CFAP44: variants seen among roughly 807,000 people sequenced by gnomAD.
CFAP44 encodes the protein cilia- and flagella-associated protein 44.
In CFAP44, 134 loss-of-function variants were observed where a neutral mutation model predicts 216.2. That is an observed-to-expected ratio of 0.62 (90% CI 0.54 to 0.72). The LOEUF (loss-of-function observed/expected upper bound fraction) is 0.72, where lower values mean the gene tolerates loss of function less well. Ranked by LOEUF, CFAP44 falls within the 30% of genes least tolerant of loss-of-function variation. The probability of loss-of-function intolerance (pLI) is 0.00; values close to 1 mark genes in which losing one functional copy is unlikely to be tolerated. For synonymous variants in CFAP44, 700 were observed against 727.6 expected, an observed-to-expected ratio of 0.96 and a Z score of 0.61; for missense variants, 2,035 against 2,182.1, an observed-to-expected ratio of 0.93 and a Z score of 1.34.
In CFAP44 at chr3:113,426,342, C is replaced by T; in HGVS notation, c.254-65G>A. 3.2e-6 allele frequency: 5 copies of T among 1,548,762 alleles called. No homozygotes were observed. The South Asian group carries it at 3.6e-5, about 11-fold the overall frequency. ...GGCTGTGTCCCCACCCAAATCTCAA[C>T]TTGAATTGTAGTTCCCATAATCTCC... On this transcript the variant is annotated intron_variant, in intron 3 of 34. Transcript: ENST00000393845.
At chr3:113,433,453 A>AAG in intron 2 of CFAP44, 112 bp downstream of exon 2, 1 of 459,788 alleles carries the variant, frequency 2.2e-6, no homozygotes, top group Non-Finnish European at 3.6e-6. Flanking sequence ...AAAAAAAAAA[A>AAG]AAAGATCTAT....
intron 18 of CFAP44, among the ~76,000 whole-genome samples, chr3:113,370,094 T>C (rs951273368): frequency 2.6e-5 from 4 of 152,040 alleles, no homozygotes; most frequent in Non-Finnish European, 5.9e-5. Flanking sequence ...ATTAATACCC[T>C]ACCAACCAAA....
At chr3:113,362,597 C>G (rs1261301198) in intron 21 of CFAP44, among the ~76,000 whole-genome samples, 3 of 152,202 alleles carry the variant, frequency 2.0e-5, no homozygotes, top group Admixed American at 2.0e-4. Context: ...CACAGCACCT[C>G]TGGTAAGATC....
Position 113,330,149 on chromosome 3 carries a change from G to T in CFAP44, c.4116+19C>A. 6.7e-7 allele frequency: 1 copy of T among 1,487,012 alleles called. No individual in the cohort carries two copies. The highest frequency in any genetic ancestry group is 1.3e-5 in the South Asian group (1 of 74,102). 92.1% of individuals were successfully genotyped at this position (1,487,012 alleles called of 1,614,324 possible). A position where few individuals can be genotyped will look rare whatever the true frequency, so the allele number is the denominator to read the frequency against. ...TCTTCTCTCTTTCAGCTTTAACTAG[G>T]AACAGGTTCACCCCTTACCCTGTTG... On this transcript the variant is annotated intron_variant, in intron 26 of 34. Transcript: ENST00000393845.
chr3:113,367,790 C>T (rs1490850217), intron 18 of CFAP44, among the ~76,000 whole-genome samples: 2 of 152,150 alleles, frequency 1.3e-5, no homozygotes, highest in South Asian at 2.1e-4. Context: ...CAAACTTCTC[C>T]GAGCTAAAGG....
At chr3:113,389,400 T>C (rs1201836517) in intron 15 of CFAP44, among the ~76,000 whole-genome samples, 1 of 151,976 alleles carries the variant, frequency 6.6e-6, no homozygotes, top group Non-Finnish European at 1.5e-5. Context: ...TTTATAGCTA[T>C]AAGCAACTAC....
At chr3:113,440,688 T>C (rs1001121147) in intron 1 of CFAP44, among the ~76,000 whole-genome samples, 1 of 152,198 alleles carries the variant, frequency 6.6e-6, no homozygotes, top group Non-Finnish European at 1.5e-5. Flanking sequence ...GCTTTTAATG[T>C]GTCACTCTTG....
chr3:113,411,965 T>C (rs1934490182), intron 6 of CFAP44, among the ~76,000 whole-genome samples: 2 of 151,838 alleles, frequency 1.3e-5, no homozygotes, highest in Admixed American at 6.6e-5. Flanking sequence ...ATAAGAATGC[T>C]TGTGATTTTT....
chr3:113,395,682 T>A, intron 15 of CFAP44, 68 bp downstream of exon 15: 1 of 1,376,052 alleles, frequency 7.3e-7, no homozygotes, highest in Non-Finnish European at 1.0e-6. Context: ...TGCTATTTTC[T>A]ATCTACAAGA....
At chr3:113,360,228 T>A (rs562577221) in intron 21 of CFAP44, 6 of 158,196 alleles carry the variant, frequency 3.8e-5, no homozygotes, top group African/African-American at 1.4e-4. Context: ...AAAAGAAGCT[T>A]AAAGATGATT....
intron 17 of CFAP44, among the ~76,000 whole-genome samples, chr3:113,375,643 C>CAAAAT (rs1022847164): frequency 3.9e-5 from 6 of 151,970 alleles, no homozygotes; most frequent in African/African-American, 1.4e-4. Flanking sequence ...GAACTGCAAA[C>CAAAAT]AAAATAAAAA....
chr3:113,308,194 C>T lies in CFAP44; in HGVS notation c.4591G>A (p.Glu1531Lys). Residue 1531 changes from glutamate to lysine, a missense_variant, in exon 29 of 35, where the codon GAA becomes AAA. This residue lies in a region of CFAP44 where 1,883 missense variants were observed against 2,023.7 expected (regional missense o/e 0.93). Coordinates refer to ENST00000393845, the MANE Select transcript of CFAP44 (RefSeq NM_001164496.2). ...ATAGAATCATCAAAAACCTCATCTTCTGATTCAGACTCATCTTCATCACTC... is the reference window on the plus strand; with the variant it reads ...ATAGAATCATCAAAAACCTCATCTTTTGATTCAGACTCATCTTCATCACTC... The part of the protein sequence containing the change: ...LESDEDESES[E>K]DEVFDDSICP... The T allele has an allele frequency of 6.5e-7, 1 of 1,536,040 alleles. No homozygotes were observed. The highest frequency in any genetic ancestry group is 8.7e-7 in the Non-Finnish European group (1 of 1,146,612).
intron 15 of CFAP44, among the ~76,000 whole-genome samples, chr3:113,395,511 G>T (rs543889361): frequency 2.0e-5 from 3 of 152,152 alleles, no homozygotes; most frequent in Non-Finnish European, 4.4e-5. Flanking sequence ...GAAGATCATG[G>T]TCAACTAATA....
intron 12 of CFAP44, 50 bp from the exon 13 acceptor site, chr3:113,400,050 T>A: frequency 7.8e-7 from 1 of 1,274,196 alleles, no homozygotes; most frequent in African/African-American, 1.5e-5. Context: ...ATAATTTTTT[T>A]AAGTCTTGGC....
intron 21 of CFAP44, among the ~76,000 whole-genome samples, 167 bp from the exon 22 acceptor site, chr3:113,359,042 A>G (rs1206364991): frequency 1.3e-5 from 2 of 152,192 alleles, no homozygotes; most frequent in Non-Finnish European, 2.9e-5. Context: ...CTTCCACAAT[A>G]TAAGGAGAAA....
chr3:113,330,529 G>A lies in CFAP44; in HGVS notation c.3755C>T (p.Pro1252Leu), dbSNP rs61732433. 1.3e-6 allele frequency: 2 copies of A among 1,537,154 alleles called. No homozygotes were observed. The highest frequency in any genetic ancestry group is 4.9e-5 in the East Asian group (2 of 40,916). The change falls in exon 26 of 35, where the codon CCC becomes CTC. Residue 1252 changes from proline (P) to leucine (L), a missense_variant. Physicochemically the swap from Pro to Leu is moderately conservative, Grantham distance 98 (BLOSUM62 -3). Coordinates refer to ENST00000393845, the MANE Select transcript of CFAP44 (RefSeq NM_001164496.2). ...QSTLHISKHI[P>L]IPKIPQIHPE... Reference sequence around the variant, plus strand: ...GTGTATCTGAGGAATTTTGGGAATGGGTATGTGCTTGGATATGTGAAGAGT... The same window carrying A: ...GTGTATCTGAGGAATTTTGGGAATGAGTATGTGCTTGGATATGTGAAGAGT...
intron 23 of CFAP44, among the ~76,000 whole-genome samples, chr3:113,343,611 G>A (rs995337777): frequency 2.0e-5 from 3 of 152,174 alleles, no homozygotes; most frequent in Non-Finnish European, 4.4e-5. Flanking sequence ...TCAGACAGGA[G>A]AGAAGTGAAG....
chr3:113,421,233 T>C (rs1052047741), intron 4 of CFAP44, among the ~76,000 whole-genome samples: 1 of 151,970 alleles, frequency 6.6e-6, no homozygotes, highest in African/African-American at 2.4e-5. Context: ...CCAACAAACA[T>C]GAAAAACGCT....
chr3:113,399,447 C>A (rs1037510506), intron 13 of CFAP44, among the ~76,000 whole-genome samples: 1 of 151,696 alleles, frequency 6.6e-6, no homozygotes, highest in Non-Finnish European at 1.5e-5. Context: ...ATGTACTTAA[C>A]TTACTTATTT....
Sources: gnomAD v4.1 joint callset for allele counts (sites outside exome capture counted in the v4.1 genomes callset) on GRCh38, gnomAD v4.1.1 for gene constraint, gnomAD v4.1.1 regional missense constraint, MANE v1.5 for transcripts, NCBI Gene and HGNC (gene_info 2026-07-23, HGNC 2026-07-21) for gene names.